The following ANXA8 variants were observed in gnomAD, a reference collection of about 807,000 sequenced individuals.
ANXA8 encodes the protein annexin A8.
A neutral mutation model predicts 26.8 loss-of-function variants in ANXA8; 9 were observed. The observed-to-expected ratio is 0.34, with a 90% CI of 0.20 to 0.59. The LOEUF is 0.59. Among genes scored for constraint, ANXA8 ranks in the 20% least tolerant of loss-of-function variants. The pLI, the probability that ANXA8 is intolerant of heterozygous loss-of-function variation, is 0.84. For synonymous variants in ANXA8, 39 were observed against 94.8 expected (o/e 0.41, Z 3.42); for missense variants, 83 against 238.5 (o/e 0.35, Z 4.29).
chr10:47,707,492 T>C, the ANXA8 span, among the ~76,000 whole-genome samples: 6 of 142,752 alleles, frequency 4.2e-5, no homozygotes, highest in Admixed American at 1.4e-4. Context: ...GCTCAAGAGA[T>C]TCTTCTACCT....
the ANXA8 span, among the ~76,000 whole-genome samples, chr10:47,503,937 C>CAAAAAAAAAAA: frequency 1.3e-4 from 3 of 23,442 alleles, no homozygotes; most frequent in Non-Finnish European, 1.4e-4. Flanking sequence ...GAGAGTCCAT[C>CAAAAAAAAAAA]AAAAAAAAAA....
chr10:47,966,021 T>C, the ANXA8 span, among the ~76,000 whole-genome samples: 2 of 136,016 alleles, frequency 1.5e-5, no homozygotes, highest in East Asian at 4.2e-4. Flanking sequence ...CGAAAGACGA[T>C]GGGATGTGGG....
chr10:47,554,417 C>T, the ANXA8 span, among the ~76,000 whole-genome samples: 1 of 150,998 alleles, frequency 6.6e-6, no homozygotes, highest in Non-Finnish European at 1.5e-5. Flanking sequence ...GCCTCGCCTT[C>T]CCTGCTCCCG....
chr10:47,687,711 A>C, the ANXA8 span, among the ~76,000 whole-genome samples: 1 of 151,924 alleles, frequency 6.6e-6, no homozygotes. Context: ...CTAATATACC[A>C]GTTATTCCTT....
At chr10:47,585,768 G>T in the ANXA8 span, among the ~76,000 whole-genome samples, 2 of 28,480 alleles carry the variant, frequency 7.0e-5, no homozygotes, top group Non-Finnish European at 1.2e-4. Context: ...TTTTAACTTG[G>T]TCTCAATTTT....
the ANXA8 span, among the ~76,000 whole-genome samples, chr10:47,743,281 CACATATATATAT>C: frequency 1.1e-3 from 73 of 64,598 alleles, 1 homozygote; most frequent in African/African-American, 2.7e-3. Flanking sequence ...TATATATACA[CACATATATATAT>C]ACACATATAT....
At chr10:47,536,712 C>T in the ANXA8 span, among the ~76,000 whole-genome samples, 2 of 125,002 alleles carry the variant, frequency 1.6e-5, no homozygotes. Context: ...GTCCCAGCTA[C>T]ACAGGACGCT....
chr10:47,555,291 G>GC, the ANXA8 span, among the ~76,000 whole-genome samples: 3 of 151,344 alleles, frequency 2.0e-5, no homozygotes, highest in Non-Finnish European at 2.9e-5. Context: ...CAGTGGTATA[G>GC]CATCGGTGAC....
At chr10:47,500,040 G>C in the ANXA8 span, among the ~76,000 whole-genome samples, 1 of 150,714 alleles carries the variant, frequency 6.6e-6, no homozygotes, top group African/African-American at 2.4e-5. Context: ...CAAAGTGCTG[G>C]GATTACAGGC....
chr10:47,951,981 T>A, the ANXA8 span, among the ~76,000 whole-genome samples: 1 of 150,536 alleles, frequency 6.6e-6, no homozygotes, highest in African/African-American at 2.5e-5. Context: ...AATGCAATTC[T>A]AGCAGTTTAA....
At chr10:47,485,916 G>A (rs1840034551), upstream of ANXA8, among the ~76,000 whole-genome samples, 1 of 151,772 alleles carries the variant, frequency 6.6e-6, no homozygotes, top group South Asian at 2.1e-4. Context: ...AGACCATCCT[G>A]GCTAACATGG....
chr10:47,667,104 A>G, the ANXA8 span, among the ~76,000 whole-genome samples: 1 of 151,998 alleles, frequency 6.6e-6, no homozygotes, highest in Non-Finnish European at 1.5e-5. Context: ...GTTTTCTCAT[A>G]GTGCCCAGCA....
At chr10:47,625,627 T>G in the ANXA8 span, among the ~76,000 whole-genome samples, 4 of 152,064 alleles carry the variant, frequency 2.6e-5, no homozygotes, top group Admixed American at 1.3e-4. Context: ...CCCCAAGCAT[T>G]GGTGTGTCAG....
chr10:47,732,742 T>G, the ANXA8 span, among the ~76,000 whole-genome samples: 32 of 146,508 alleles, frequency 2.2e-4, no homozygotes, highest in African/African-American at 7.8e-4. Flanking sequence ...TTTTTTTTGG[T>G]TGGGGGAAAG....
chr10:47,715,159 C>T, the ANXA8 span, among the ~76,000 whole-genome samples: 1 of 7,934 alleles, frequency 1.3e-4, no homozygotes, highest in Non-Finnish European at 2.6e-4. Flanking sequence ...TTAAAATTAT[C>T]TCTGGTGGCC....
the ANXA8 span, chr10:47,590,406 C>A: frequency 6.8e-6 from 1 of 146,744 alleles, no homozygotes; most frequent in Non-Finnish European, 1.5e-5. Context: ...TGAGTTGTGA[C>A]CCAAGTGCTG....
At chr10:47,515,921 G>A in the ANXA8 span, among the ~76,000 whole-genome samples, 1 of 118,174 alleles carries the variant, frequency 8.5e-6, no homozygotes, top group Non-Finnish European at 1.7e-5. Flanking sequence ...ACACATTGGA[G>A]GGAAGCCTCC....
At chr10:47,755,491 G>A in the ANXA8 span, among the ~76,000 whole-genome samples, 5 of 150,600 alleles carry the variant, frequency 3.3e-5, 1 homozygote, top group African/African-American at 7.4e-5. Context: ...TCCTGACCTC[G>A]TGATCTGCCT....
chr10:47,680,060 C>T, the ANXA8 span, among the ~76,000 whole-genome samples: 5 of 151,460 alleles, frequency 3.3e-5, no homozygotes, highest in Non-Finnish European at 5.9e-5. Context: ...ACTGCAACCT[C>T]CACCTCCTGG....
Sources: allele counts gnomAD v4.1 joint callset (sites outside exome capture counted in the v4.1 genomes callset), GRCh38; gene constraint gnomAD v4.1.1; transcripts MANE v1.5; gene names NCBI Gene and HGNC (gene_info 2026-07-23, HGNC 2026-07-21).